KPNA5: variants seen among roughly 807,000 people sequenced by gnomAD.
The protein encoded by KPNA5 is karyopherin subunit alpha 5, also known as importin subunit alpha-6.
A neutral mutation model predicts 71.3 loss-of-function variants in KPNA5; 46 were observed. That is an observed-to-expected ratio of 0.65 (90% CI 0.51 to 0.83). The LOEUF (loss-of-function observed/expected upper bound fraction) is 0.83, where lower values mean the gene tolerates loss of function less well. KPNA5 is among the 40% of genes least tolerant of loss of function. The pLI, the probability that KPNA5 is intolerant of heterozygous loss-of-function variation, is 0.00. For missense variants in KPNA5, 547 were observed against 628.3 expected, an observed-to-expected ratio of 0.87 and a Z score of 1.38; for synonymous variants, 207 against 201.4, an observed-to-expected ratio of 1.03 and a Z score of -0.24.
Position 116,722,482 on chromosome 6 carries a change from G to A in KPNA5, c.920+193G>A, listed in dbSNP as rs144910835. On this transcript the variant is annotated intron_variant, in intron 9 of 13. Coordinates refer to ENST00000368564, the MANE Select transcript of KPNA5 (RefSeq NM_001366306.2). Reference sequence around the variant, plus strand: ...AATTTGGAACTTATGTCCTATAGTTGGAACTAATTATTTTGTAAATGAATT... The same window carrying A: ...AATTTGGAACTTATGTCCTATAGTTAGAACTAATTATTTTGTAAATGAATT... Among the ~76,000 whole-genome samples the A allele has an allele frequency of 4.2e-3, 635 of 152,172 alleles. 5 individuals are homozygous for A. Among genetic ancestry groups the A allele is most frequent in the African/African-American group, 0.014 (590 of 41,526 alleles).
chr6:116,732,484 C>T lies in KPNA5; in HGVS notation c.*161C>T. On this transcript the variant is annotated 3_prime_UTR_variant, in exon 14 of 14. Coordinates refer to ENST00000368564, the MANE Select transcript of KPNA5 (RefSeq NM_001366306.2). Reference sequence around the variant, plus strand: ...AACAAAAATTTCCATTCAGATGCAACCTTTCATTGTAGTTTGTTGTTGTTT... The same window carrying T: ...AACAAAAATTTCCATTCAGATGCAATCTTTCATTGTAGTTTGTTGTTGTTT... 1 of 338,274 alleles carries T rather than the reference C, an allele frequency of 3.0e-6. No homozygotes were observed. The highest frequency in any genetic ancestry group is 5.4e-6 in the Non-Finnish European group (1 of 185,504). The allele number at this position is 338,274 out of a possible 1,614,324, so 21.0% of individuals were successfully genotyped here. A position where few individuals can be genotyped will look rare whatever the true frequency, so the allele number is the denominator to read the frequency against.
intron 4 of KPNA5, among the ~76,000 whole-genome samples, chr6:116,696,969 T>C (rs1778053228): frequency 6.6e-6 from 1 of 152,024 alleles, no homozygotes; most frequent in South Asian, 2.1e-4. Flanking sequence ...TATCATATCA[T>C]ATCTATATTT....
Position 116,705,176 on chromosome 6 carries a change from CAATT to C in KPNA5, c.656+19_656+22del, listed in dbSNP as rs767658371. On this transcript the variant is annotated intron_variant, in intron 7 of 13. Transcript: ENST00000368564. ...CTCTTTTAGAGTAAGTACTTTATCA[CAATT>C]AAGTATATATCAAAAACTATATACT... 12 of 1,534,856 alleles carry C rather than the reference CAATT, an allele frequency of 7.8e-6. No homozygotes were observed. Among genetic ancestry groups the C allele is most frequent in the Non-Finnish European group, 6.3e-6 (7 of 1,112,176 alleles).
chr6:116,691,622 A>G (rs1046412861), intron 2 of KPNA5, among the ~76,000 whole-genome samples: 1 of 152,158 alleles, frequency 6.6e-6, no homozygotes, highest in Non-Finnish European at 1.5e-5. Context: ...TTTGTTTTCT[A>G]TTCCTTGTTA....
intron 8 of KPNA5, among the ~76,000 whole-genome samples, chr6:116,716,855 C>G (rs1331318520): frequency 6.6e-6 from 1 of 151,852 alleles, no homozygotes; most frequent in Non-Finnish European, 1.5e-5. Context: ...CACAATGACT[C>G]TAGCACTAAG....
chr6:116,729,684 T>A lies in KPNA5; in HGVS notation c.1375T>A (p.Ser459Thr). Reference sequence around the variant, plus strand: ...TATTTTACGTCTTGGAGAACAAGAATCTAAGCAGAATGGAATAGGCATTAA... The same window carrying A: ...TATTTTACGTCTTGGAGAACAAGAAACTAAGCAGAATGGAATAGGCATTAA... ...ENILRLGEQE[S>T]KQNGIGINPY... The change falls in exon 13 of 14, where the codon TCT becomes ACT. Residue 459 changes from serine (S) to threonine (T), a missense_variant. Coordinates refer to ENST00000368564, the MANE Select transcript of KPNA5 (RefSeq NM_001366306.2). 1 of 1,610,592 alleles carries A rather than the reference T, an allele frequency of 6.2e-7. No homozygotes were observed. The highest frequency in any genetic ancestry group is 8.5e-7 in the Non-Finnish European group (1 of 1,178,208).
intron 2 of KPNA5, among the ~76,000 whole-genome samples, chr6:116,690,662 A>C (rs983790562): frequency 1.1e-4 from 17 of 152,016 alleles, no homozygotes; most frequent in Non-Finnish European, 2.4e-4. Flanking sequence ...AAAAAAAAGA[A>C]GAACGATATT....
intron 8 of KPNA5, among the ~76,000 whole-genome samples, chr6:116,721,508 T>TA (rs1295156294): frequency 6.6e-6 from 1 of 151,916 alleles, no homozygotes; most frequent in East Asian, 1.9e-4. Flanking sequence ...TTGCTTATTT[T>TA]AAAAAAACAG....
At chr6:116,687,401 G>A (rs1161689082) in intron 1 of KPNA5, among the ~76,000 whole-genome samples, 3 of 152,198 alleles carry the variant, frequency 2.0e-5, no homozygotes, top group Non-Finnish European at 4.4e-5. Flanking sequence ...TAAGGGTCAG[G>A]GAGGGCTAAT....
intron 5 of KPNA5, among the ~76,000 whole-genome samples, chr6:116,699,641 T>C (rs1341394756): frequency 6.6e-6 from 1 of 152,196 alleles, no homozygotes; most frequent in African/African-American, 2.4e-5. Flanking sequence ...ATGTTTACAA[T>C]AAGGGTCTCT....
chr6:116,704,321 AGCCACT>A (rs1440244594), intron 6 of KPNA5, among the ~76,000 whole-genome samples: 1 of 152,184 alleles, frequency 6.6e-6, no homozygotes, highest in Non-Finnish European at 1.5e-5. Flanking sequence ...TACAGGCATG[AGCCACT>A]GCACCCGACC....
At chr6:116,719,197 A>G (rs1308971029) in intron 8 of KPNA5, among the ~76,000 whole-genome samples, 1 of 152,156 alleles carries the variant, frequency 6.6e-6, no homozygotes, top group Non-Finnish European at 1.5e-5. Context: ...GCAAATTGTC[A>G]TATCTAAGGA....
intron 8 of KPNA5, among the ~76,000 whole-genome samples, chr6:116,720,543 T>G (rs899777400): frequency 1.3e-5 from 2 of 152,230 alleles, no homozygotes; most frequent in Non-Finnish European, 2.9e-5. Flanking sequence ...AAACATACTT[T>G]ATATTTGCTT....
Position 116,725,698 on chromosome 6 carries a change from C to T in KPNA5, c.1000-53C>T. The T allele has an allele frequency of 2.1e-6, 3 of 1,440,150 alleles. No individual in the cohort carries two copies. In the South Asian group the frequency reaches 3.9e-5, roughly 19 times the overall value. The allele number at this position is 1,440,150 out of a possible 1,614,324, so 89.2% of individuals were successfully genotyped here. The stretch of plus-strand genomic sequence containing the variant: ...TCTAAATAATTCATTAGTAGATTTT[C>T]ATATAGGTTATTTACTATAAAACTT... On this transcript the variant is annotated intron_variant, in intron 10 of 13. Transcript: ENST00000368564.
intron 7 of KPNA5, among the ~76,000 whole-genome samples, chr6:116,710,894 T>TATATATATATATATATATATATA (rs57807333): frequency 7.9e-4 from 63 of 79,280 alleles, no homozygotes; most frequent in South Asian, 9.1e-4. Flanking sequence ...TATATATATA[T>TATATATATATATATATATATATA]TTTTTTTTTT....
intron 7 of KPNA5, among the ~76,000 whole-genome samples, chr6:116,709,195 T>C (rs1001828771): frequency 1.3e-5 from 2 of 152,202 alleles, no homozygotes; most frequent in Non-Finnish European, 2.9e-5. Context: ...CTGTCAATAA[T>C]GTTAGTTTCA....
intron 1 of KPNA5, among the ~76,000 whole-genome samples, chr6:116,686,589 A>G (rs572244604): frequency 1.3e-5 from 2 of 152,260 alleles, no homozygotes; most frequent in Admixed American, 6.5e-5. Flanking sequence ...TTTTGTTGCA[A>G]TAGCCCCTTC....
intron 8 of KPNA5, among the ~76,000 whole-genome samples, chr6:116,719,690 A>T (rs956897203): frequency 5.9e-5 from 9 of 152,108 alleles, no homozygotes; most frequent in African/African-American, 1.9e-4. Context: ...CTACAAAAAA[A>T]TTTAAAAAAT....
In KPNA5 at chr6:116,729,672, G is replaced by A; in HGVS notation, c.1363G>A (p.Gly455Arg). 6.2e-7 allele frequency: 1 copy of A among 1,610,148 alleles called. No homozygotes were observed. Among genetic ancestry groups the A allele is most frequent in the Non-Finnish European group, 8.5e-7 (1 of 1,177,966 alleles). The stretch of plus-strand genomic sequence containing the variant: ...TGGACTTGAAAATATTTTACGTCTT[G>A]GAGAACAAGAATCTAAGCAGAATGG... Reference protein sequence around the residue: ...LNGLENILRLGEQESKQNGIG... With the variant: ...LNGLENILRLREQESKQNGIG... Residue 455 changes from glycine (G) to arginine (R), a missense_variant, in exon 13 of 14, where the codon GGA becomes AGA. By Grantham distance (125) the Gly-to-Arg change is moderately radical (BLOSUM62 -2). Coordinates refer to ENST00000368564, the MANE Select transcript of KPNA5 (RefSeq NM_001366306.2).
Sources: allele counts gnomAD v4.1 joint callset (sites outside exome capture counted in the v4.1 genomes callset), GRCh38; gene constraint gnomAD v4.1.1; transcripts MANE v1.5; gene names NCBI Gene and HGNC (gene_info 2026-07-23, HGNC 2026-07-21).